BSN: variants seen among roughly 807,000 people sequenced by gnomAD.
BSN encodes protein bassoon.
A neutral mutation model predicts 264.8 loss-of-function variants in BSN; 57 were observed. That is an observed-to-expected ratio of 0.22 (90% CI 0.17 to 0.27). The LOEUF is 0.27. Among genes scored for constraint, BSN ranks in the 10% least tolerant of loss-of-function variants. The pLI is 1.00. For missense variants in BSN, 4,615 were observed against 5,232.5 expected, an observed-to-expected ratio of 0.88 and a Z score of 3.64; for synonymous variants, 2,059 against 2,137.3, an observed-to-expected ratio of 0.96 and a Z score of 1.01.
intron 1 of BSN, among the ~76,000 whole-genome samples, chr3:49,564,440 A>C (rs1417846194): frequency 1.3e-5 from 2 of 152,192 alleles, no homozygotes; most frequent in African/African-American, 2.4e-5. Flanking sequence ...CAACCTAGTG[A>C]GACTCTTTTG....
At chr3:49,667,554 T>C (rs2131109) in intron 11 of BSN, 36 bp from the exon 12 acceptor site, 76,986 of 152,500 alleles carry the variant, frequency 0.5, 20,997 homozygotes, top group East Asian at 0.95. Flanking sequence ...TTTCTTTTCT[T>C]CTTTCCTTCC....
chr3:49,610,056 G>T (rs1426355758), intron 1 of BSN, among the ~76,000 whole-genome samples: 1 of 152,164 alleles, frequency 6.6e-6, no homozygotes, highest in Admixed American at 6.5e-5. Context: ...GTAGAGGAAA[G>T]CCAGATGGCC....
chr3:49,671,741 G>GGAA (rs2108108135), downstream of BSN, among the ~76,000 whole-genome samples: 3 of 152,352 alleles, frequency 2.0e-5, no homozygotes, highest in South Asian at 6.2e-4. This position sits in a 1 kb window ranked among gnomAD's most constrained non-coding sequence, Gnocchi z 4.1. Flanking sequence ...GTGCCCAAGG[G>GGAA]GAGGTCCCAA....
chr3:49,615,972 T>C (rs1400506694), intron 1 of BSN, among the ~76,000 whole-genome samples: 1 of 152,214 alleles, frequency 6.6e-6, no homozygotes, highest in South Asian at 2.1e-4. Flanking sequence ...GCAGAACATA[T>C]GGAAATTTCT....
chr3:49,572,667 G>A (rs930599574), intron 1 of BSN, among the ~76,000 whole-genome samples: 1 of 152,134 alleles, frequency 6.6e-6, no homozygotes. Flanking sequence ...ACGAGTAGCT[G>A]GGACTACAGT....
At chr3:49,623,600 G>A (rs1158595224) in intron 1 of BSN, among the ~76,000 whole-genome samples, 2 of 152,198 alleles carry the variant, frequency 1.3e-5, no homozygotes, top group African/African-American at 4.8e-5. Context: ...GGTTCCTCAA[G>A]GCTGGATCCT....
At chr3:49,629,384 G>A (rs543832858) in intron 2 of BSN, among the ~76,000 whole-genome samples, 1 of 152,358 alleles carries the variant, frequency 6.6e-6, no homozygotes, top group South Asian at 2.1e-4. Context: ...GGGGTGGGAG[G>A]GAGACAAGGC....
At chr3:49,590,257 A>T (rs2051968254) in intron 1 of BSN, among the ~76,000 whole-genome samples, 1 of 152,104 alleles carries the variant, frequency 6.6e-6, no homozygotes, top group African/African-American at 2.4e-5. Context: ...ATTAAAAAAA[A>T]TTTCAACCTA....
intron 1 of BSN, among the ~76,000 whole-genome samples, chr3:49,576,716 A>G (rs2051847621): frequency 6.6e-6 from 1 of 152,156 alleles, no homozygotes; most frequent in Non-Finnish European, 1.5e-5. Flanking sequence ...GCCACTGAGC[A>G]TGGCCTCACT....
chr3:49,664,731 C>A, intron 9 of BSN, 68 bp from the exon 10 acceptor site: 1 of 1,589,184 alleles, frequency 6.3e-7, no homozygotes, highest in Non-Finnish European at 8.6e-7. Flanking sequence ...TTCACTATGC[C>A]AAGTGGCCCT....
At position 49,656,283 on chromosome 3, in the gene BSN, C is replaced by G. The variant is rs750200335; in HGVS notation, c.6727C>G (p.Arg2243Gly). Residue 2243 changes from arginine (R) to glycine (G), a missense_variant, in exon 5 of 12, where the codon CGT (arginine) becomes GGT (glycine). Arg to Gly is a moderately radical substitution (Grantham distance 125). Around this residue, in one of 3 missense-constraint regions of BSN, gnomAD observed 3,415 missense variants for 3,866.4 expected, o/e 0.88. Coordinates refer to ENST00000296452, the MANE Select transcript of BSN (RefSeq NM_003458.4). ...ITAVPLTSLT[R>G]VPMIAPRVPL... ...AGCCGTGCCACTCACCAGTCTGACACGTGTGCCCATGATTGCCCCCCGGGT... is the reference window on the plus strand; with the variant it reads ...AGCCGTGCCACTCACCAGTCTGACAGGTGTGCCCATGATTGCCCCCCGGGT... 1 of 1,613,048 alleles carries G rather than the reference C, an allele frequency of 6.2e-7. No homozygotes were observed. Among genetic ancestry groups the G allele is most frequent in the African/African-American group, 1.3e-5 (1 of 74,948 alleles).
At chr3:49,584,460 T>C (rs775075593) in intron 1 of BSN, among the ~76,000 whole-genome samples, 4 of 152,094 alleles carry the variant, frequency 2.6e-5, no homozygotes, top group Non-Finnish European at 5.9e-5. Flanking sequence ...GTTTGAGGTC[T>C]TTTCTCTTTT....
rs1274653853 is a variant in BSN, at chr3:49,557,640, C to T, written c.224+2814C>T. 6.7e-5 allele frequency among the ~76,000 whole-genome samples: 10 copies of T among 149,692 alleles called. No homozygotes were observed. The Admixed American group carries it at 6.7e-4, about 10-fold the overall frequency. The stretch of plus-strand genomic sequence containing the variant: ...TCGCCCAGGCTGGAGTGCAGTGGCA[C>T]GATCTCCGCTCACTGCAAGCTCCAC... On this transcript the variant is annotated intron_variant, in intron 1 of 11. Coordinates refer to ENST00000296452, the MANE Select transcript of BSN (RefSeq NM_003458.4).
chr3:49,606,102 TA>T (rs2052137008), intron 1 of BSN, among the ~76,000 whole-genome samples: 1 of 28,356 alleles, frequency 3.5e-5, no homozygotes, highest in Admixed American at 5.4e-4. Flanking sequence ...ATATAACATA[TA>T]ATATATAATA....
At chr3:49,617,683 C>T (rs1280081707) in intron 1 of BSN, among the ~76,000 whole-genome samples, 1 of 152,182 alleles carries the variant, frequency 6.6e-6, no homozygotes, top group African/African-American at 2.4e-5. Context: ...TTAAGAAGAG[C>T]CTCCTGGAGG....
chr3:49,657,969 C>T lies in BSN; in HGVS notation c.8413C>T (p.Arg2805Trp), dbSNP rs776883544. 5.6e-6 allele frequency: 9 copies of T among 1,611,344 alleles called. No homozygotes were observed. The highest frequency in any genetic ancestry group is 2.2e-5 in the East Asian group (1 of 44,822). Reference sequence around the variant, plus strand: ...ACCAGTCTCACCCCTGTCCCCTCACCGGCTCCTGGACACCTCCTTTGCTTC... The same window carrying T: ...ACCAGTCTCACCCCTGTCCCCTCACTGGCTCCTGGACACCTCCTTTGCTTC... Reference protein sequence around the residue: ...YSPVSPLSPHRLLDTSFASSE... With the variant: ...YSPVSPLSPHWLLDTSFASSE... Residue 2805 changes from arginine (R) to tryptophan (W), a missense_variant, in exon 5 of 12, where the codon CGG becomes TGG. Arg to Trp is a moderately radical substitution (Grantham distance 101). Around this residue, in one of 3 missense-constraint regions of BSN, gnomAD observed 3,415 missense variants for 3,866.4 expected, o/e 0.88. Coordinates refer to ENST00000296452, the MANE Select transcript of BSN (RefSeq NM_003458.4).
chr3:49,608,280 T>C (rs1363749519), intron 1 of BSN, among the ~76,000 whole-genome samples: 1 of 152,166 alleles, frequency 6.6e-6, no homozygotes, highest in Admixed American at 6.5e-5. Context: ...GACTGCATAG[T>C]TGGCAAGAAA....
Position 49,655,177 on chromosome 3 carries a change from C to T in BSN, c.5621C>T (p.Thr1874Ile), listed in dbSNP as rs765226603. ...CAGATGGGAGAGGGCACAGCAGGCACTGTGACCACACTGCTCCCAGAGGAG... is the reference window on the plus strand; with the variant it reads ...CAGATGGGAGAGGGCACAGCAGGCATTGTGACCACACTGCTCCCAGAGGAG... ...VVQMGEGTAGTVTTLLPEEPA... is the reference protein window; with the variant it reads ...VVQMGEGTAGIVTTLLPEEPA... Residue 1874 changes from threonine to isoleucine, a missense_variant, in exon 5 of 12, where the codon ACT becomes ATT. Physicochemically the swap from Thr to Ile is moderately conservative, Grantham distance 89. Around this residue, in one of 3 missense-constraint regions of BSN, gnomAD observed 3,415 missense variants for 3,866.4 expected, o/e 0.88. Coordinates refer to ENST00000296452, the MANE Select transcript of BSN (RefSeq NM_003458.4). The T allele has an allele frequency of 4.3e-6, 7 of 1,612,780 alleles. No homozygotes were observed.
chr3:49,642,628 G>A lies in BSN; in HGVS notation c.994G>A (p.Val332Met), dbSNP rs754025536. ...GGCCCCGGCCAAAAGTGCCACCGCA[G>A]TGCCCGCTGGGCTTGGTGCCACTGA... is the stretch of plus-strand genomic sequence containing the variant. ...GEAPAKSATA[V>M]PAGLGATEQT... Residue 332 changes from valine to methionine, a missense_variant, in exon 3 of 12, where the codon GTG (valine) becomes ATG (methionine). Val to Met is a conservative substitution (Grantham distance 21). Coordinates refer to ENST00000296452, the MANE Select transcript of BSN (RefSeq NM_003458.4). This position sits in a 1 kb window ranked among gnomAD's most constrained non-coding sequence, Gnocchi z 7.0. The A allele has an allele frequency of 3.1e-6, 5 of 1,602,584 alleles. No homozygotes were observed. In the East Asian group the frequency reaches 6.7e-5, roughly 22 times the overall value.
Sources: gnomAD v4.1 joint callset for allele counts (sites outside exome capture counted in the v4.1 genomes callset) on GRCh38, gnomAD v4.1.1 for gene constraint, gnomAD v4.1.1 regional missense constraint, Gnocchi (gnomAD v3.1) non-coding constraint, MANE v1.5 for transcripts, NCBI Gene and HGNC (gene_info 2026-07-23, HGNC 2026-07-21) for gene names.